The following GALNT11 variants were observed in gnomAD, a reference collection of about 807,000 sequenced individuals.
GALNT11 encodes the protein polypeptide N-acetylgalactosaminyltransferase 11.
GALNT11 carries 47 observed loss-of-function variants against 72.7 expected under a neutral mutation model. The ratio of observed to expected loss-of-function variants is 0.65; its 90% CI spans 0.51 to 0.82. The LOEUF (loss-of-function observed/expected upper bound fraction) is 0.82, where lower values mean the gene tolerates loss of function less well. Ranked by LOEUF, GALNT11 falls within the 40% of genes least tolerant of loss-of-function variation. GALNT11 has a pLI of 0.00. For missense variants in GALNT11, 677 were observed against 778.4 expected (o/e 0.87, Z 1.55); for synonymous variants, 270 against 286.6 (o/e 0.94, Z 0.58).
Position 152,120,962 on chromosome 7 carries a change from C to T in GALNT11, c.1689C>T (p.Thr563=). The part of the protein sequence containing the change: ...CHGSGGSQQW[T]FGKNNRLYQV... Reference sequence around the variant, plus strand: ...GGTCAGGAGGATCCCAGCAGTGGACCTTTGGGGTGAGGAGTGCTCGGTGAT... The same window carrying T: ...GGTCAGGAGGATCCCAGCAGTGGACTTTTGGGGTGAGGAGTGCTCGGTGAT... The change falls in exon 11 of 12, where the codon ACC becomes ACT. Residue 563 remains threonine (T), a synonymous_variant. Transcript: ENST00000430044. 1 of 1,613,668 alleles carries T rather than the reference C, an allele frequency of 6.2e-7. No individual in the cohort carries two copies.
intron 1 of GALNT11, among the ~76,000 whole-genome samples, chr7:152,041,667 C>G (rs944175600): frequency 6.6e-6 from 1 of 152,214 alleles, no homozygotes. Flanking sequence ...GTAACTCTGC[C>G]TCAGCTTCCT....
rs762231031 is a variant in GALNT11, at chr7:152,108,025, G to T, written c.713-13G>T. 6.3e-7 allele frequency: 1 copy of T among 1,599,568 alleles called. No individual in the cohort carries two copies. Among genetic ancestry groups the T allele is most frequent in the Non-Finnish European group, 8.6e-7 (1 of 1,168,890 alleles). ...TGTGACACTCTCCTGAGCCTCTGTTGTTTCCTCCCCAGGAGAAGTCCTTGT... is the reference window on the plus strand; with the variant it reads ...TGTGACACTCTCCTGAGCCTCTGTTTTTTCCTCCCCAGGAGAAGTCCTTGT... On this transcript the variant is annotated splice_polypyrimidine_tract_variant and intron_variant, in intron 5 of 11. Coordinates refer to ENST00000430044, the MANE Select transcript of GALNT11 (RefSeq NM_022087.4).
intron 5 of GALNT11, among the ~76,000 whole-genome samples, chr7:152,107,042 G>A (rs541212615): frequency 2.3e-4 from 35 of 152,170 alleles, no homozygotes; most frequent in Middle Eastern, 3.4e-3. Flanking sequence ...ACTGATTCAC[G>A]GGCATCATTG....
At chr7:152,121,368 G>A (rs947292240) in intron 11 of GALNT11, among the ~76,000 whole-genome samples, 178 bp from the exon 12 acceptor site, 7 of 152,186 alleles carry the variant, frequency 4.6e-5, no homozygotes, top group African/African-American at 1.2e-4. Context: ...TTGTGATTGC[G>A]GTCAGAAAAT....
chr7:152,113,712 C>CTTTTTTTT lies in GALNT11; in HGVS notation c.1233+349_1233+356dup, dbSNP rs6150397. 1.4e-3 allele frequency among the ~76,000 whole-genome samples: 131 copies of CTTTTTTTT among 96,990 alleles called. 11 individuals carry two copies. The highest frequency in any genetic ancestry group is 1.9e-3 in the South Asian group (6 of 3,190). 63.6% of individuals were successfully genotyped at this position (96,990 alleles called of 152,430 possible). A position where few individuals can be genotyped will look rare whatever the true frequency, so the allele number is the denominator to read the frequency against. ...TGTGACGCCTGCAAAAGTTGGCTTT[C>CTTTTTTTT]TTTTTTTTTTTTTTTTTTTTTTTTT... On this transcript the variant is annotated intron_variant, in intron 8 of 11. Transcript: ENST00000430044.
At chr7:152,082,127 A>C (rs1481679601) in intron 1 of GALNT11, among the ~76,000 whole-genome samples, 10 of 152,182 alleles carry the variant, frequency 6.6e-5, no homozygotes, top group Non-Finnish European at 1.5e-4. Flanking sequence ...TAAGTCAAAG[A>C]GTAGATAGTG....
chr7:152,041,076 T>G lies in GALNT11; in HGVS notation c.-39+15192T>G, dbSNP rs977974736. On this transcript the variant is annotated intron_variant, in intron 1 of 11. Transcript: ENST00000430044. ...TCCTCAGCGTCAGTCTTGACATGGC[T>G]GCAACTGGGAATCCTTGGGATCCTT... is the stretch of plus-strand genomic sequence containing the variant. Among the ~76,000 whole-genome samples the G allele has an allele frequency of 1.6e-4, 25 of 152,326 alleles. 1 individual carries two copies. The highest frequency in any genetic ancestry group is 1.6e-3 in the Admixed American group (25 of 15,302).
chr7:152,068,002 C>T (rs544667055), intron 1 of GALNT11, among the ~76,000 whole-genome samples: 1 of 152,192 alleles, frequency 6.6e-6, no homozygotes, highest in African/African-American at 2.4e-5. Flanking sequence ...CCAGATCTTG[C>T]AAGAACTCCC....
intron 10 of GALNT11, 182 bp downstream of exon 10, chr7:152,118,964 C>T: frequency 2.3e-6 from 1 of 426,994 alleles, no homozygotes; most frequent in Non-Finnish European, 4.0e-6. Flanking sequence ...TCCTAGTGCT[C>T]AAGGTCACCG....
At chr7:152,044,473 TTTTG>T (rs1387902977) in intron 1 of GALNT11, among the ~76,000 whole-genome samples, 18 of 152,174 alleles carry the variant, frequency 1.2e-4, no homozygotes, top group Admixed American at 2.6e-4. Flanking sequence ...GCTGCAGAGA[TTTTG>T]TTTATGACTA....
chr7:152,104,785 T>G (rs1220783636), intron 4 of GALNT11: 1 of 152,346 alleles, frequency 6.6e-6, no homozygotes, highest in Admixed American at 6.5e-5. Context: ...ACATATTCAA[T>G]GCTGTTCTTG....
At chr7:152,119,483 G>A (rs951264379) in intron 10 of GALNT11, 1 of 152,068 alleles carries the variant, frequency 6.6e-6, no homozygotes, top group Non-Finnish European at 1.5e-5. Context: ...TAAATAATGT[G>A]TGCTGTGATG....
intron 5 of GALNT11, chr7:152,107,226 A>C (rs1310368017): frequency 1.3e-5 from 2 of 149,700 alleles, no homozygotes; most frequent in Non-Finnish European, 2.9e-5. Context: ...AGAACCGTGG[A>C]GCTCTTAAAT....
At chr7:152,087,097 A>G (rs2085696924) in intron 1 of GALNT11, among the ~76,000 whole-genome samples, 2 of 152,104 alleles carry the variant, frequency 1.3e-5, no homozygotes, top group African/African-American at 4.8e-5. Flanking sequence ...ATCTCCAGGG[A>G]TAGACAAAAG....
rs141152865 is a variant in GALNT11 at position 152,047,687 on chromosome 7, C to CGTGTGT, written c.-39+21821_-39+21826dup. 5.5e-3 allele frequency among the ~76,000 whole-genome samples: 809 copies of CGTGTGT among 147,120 alleles called. 8 individuals are homozygous for CGTGTGT. The highest frequency in any genetic ancestry group is 0.019 in the African/African-American group (777 of 40,226). Reference sequence around the variant, plus strand: ...ACTCTAGCCTGGTCAACAGTGACACCGTGTGTGTGTGTGTGTGTGTGTGCG... The same window carrying CGTGTGT: ...ACTCTAGCCTGGTCAACAGTGACACCGTGTGTGTGTGTGTGTGTGTGTGTGTGTGCG... On this transcript the variant is annotated intron_variant, in intron 1 of 11. Transcript: ENST00000430044.
chr7:152,043,660 G>A (rs1160667694), intron 1 of GALNT11, among the ~76,000 whole-genome samples: 1 of 152,132 alleles, frequency 6.6e-6, no homozygotes, highest in Non-Finnish European at 1.5e-5. Flanking sequence ...AACAGTCAGT[G>A]GGGCAACTAC....
At chr7:152,111,319 TA>T (rs1027788913) in intron 7 of GALNT11, among the ~76,000 whole-genome samples, 16 of 151,482 alleles carry the variant, frequency 1.1e-4, no homozygotes, top group Non-Finnish European at 2.2e-4. Context: ...CACACCTGGC[TA>T]ATTTTCTACT....
chr7:152,094,960 T>G lies in GALNT11; in HGVS notation c.295+438T>G, dbSNP rs553041750. Among the ~76,000 whole-genome samples, 5 of 152,276 alleles carry G rather than the reference T, an allele frequency of 3.3e-5. No homozygotes were observed. The highest frequency in any genetic ancestry group is 1.2e-4 in the African/African-American group (5 of 41,560). On this transcript the variant is annotated intron_variant, in intron 2 of 11. Coordinates refer to ENST00000430044, the MANE Select transcript of GALNT11 (RefSeq NM_022087.4). This position sits in a 1 kb window ranked among gnomAD's most constrained non-coding sequence, Gnocchi z 4.3. ...CCCAGCCCTGGAAGAAGGTTTTAAT[T>G]GCTAGAATTGTTAATAAGGGAAAGA...
rs191947863 is a variant in GALNT11, at chr7:152,035,413, C to G, written c.-39+9529C>G. ...AAGTTTTTCTGACAAGCATTAGGAC[C>G]CAGGAGGCAAGGGTCAGGATAGGTA... On this transcript the variant is annotated intron_variant, in intron 1 of 11. Coordinates refer to ENST00000430044, the MANE Select transcript of GALNT11 (RefSeq NM_022087.4). Among the ~76,000 whole-genome samples, 64 of 152,196 alleles carry G rather than the reference C, an allele frequency of 4.2e-4. 1 individual carries two copies. Among genetic ancestry groups the G allele is most frequent in the African/African-American group, 1.5e-3 (63 of 41,530 alleles).
Sources: allele counts gnomAD v4.1 joint callset (sites outside exome capture counted in the v4.1 genomes callset), GRCh38; gene constraint gnomAD v4.1.1; non-coding constraint Gnocchi (gnomAD v3.1); transcripts MANE v1.5; gene names NCBI Gene and HGNC (gene_info 2026-07-23, HGNC 2026-07-21).